The following LRRTM4 variants were observed in gnomAD, a reference collection of about 807,000 sequenced individuals.
The protein encoded by LRRTM4 is leucine-rich repeat transmembrane neuronal protein 4.
In LRRTM4, 25 loss-of-function variants were observed where a neutral mutation model predicts 47.6. That is an observed-to-expected ratio of 0.53 (90% CI 0.38 to 0.73). The LOEUF is 0.73. Among genes scored for constraint, LRRTM4 ranks in the 30% least tolerant of loss-of-function variants. The probability of loss-of-function intolerance (pLI) is 0.00; values close to 1 mark genes in which losing one functional copy is unlikely to be tolerated. For synonymous variants in LRRTM4, 311 were observed against 269.5 expected (o/e 1.15, Z -1.51); for missense variants, 638 against 713.4 (o/e 0.89, Z 1.20).
At chr2:77,317,683 T>G (rs1677656020) in intron 3 of LRRTM4, among the ~76,000 whole-genome samples, 2 of 152,170 alleles carry the variant, frequency 1.3e-5, no homozygotes. Flanking sequence ...ATATGGCCAG[T>G]GCACTGTGGT....
chr2:77,306,143 C>T (rs1677265086), intron 3 of LRRTM4, among the ~76,000 whole-genome samples: 1 of 152,068 alleles, frequency 6.6e-6, no homozygotes, highest in Admixed American at 6.6e-5. Context: ...TCTTCCATTC[C>T]TTAATTTTCT....
chr2:77,438,392 AATTTTTTTTTTTT>A (rs1462406704), intron 3 of LRRTM4, among the ~76,000 whole-genome samples: 5 of 131,704 alleles, frequency 3.8e-5, no homozygotes, highest in Non-Finnish European at 7.8e-5. Flanking sequence ...CGATCATGAT[AATTTTTTTTTTTT>A]TTTTTTTTTT....
At chr2:77,388,407 T>C (rs556379889) in intron 3 of LRRTM4, among the ~76,000 whole-genome samples, 2 of 152,252 alleles carry the variant, frequency 1.3e-5, no homozygotes, top group South Asian at 4.1e-4. Context: ...TCTGCACTCA[T>C]AGTTACATTG....
chr2:76,832,393 A>C (rs569926967), intron 3 of LRRTM4, among the ~76,000 whole-genome samples: 1 of 151,084 alleles, frequency 6.6e-6, no homozygotes, highest in Admixed American at 6.6e-5. Context: ...AGTGAACTGC[A>C]CATGCTGTGA....
intron 3 of LRRTM4, among the ~76,000 whole-genome samples, chr2:76,931,937 G>A (rs968065883): frequency 7.9e-5 from 12 of 152,078 alleles, no homozygotes; most frequent in Non-Finnish European, 1.0e-4. Flanking sequence ...GGGCAGAACA[G>A]GGAGGTTACT....
intron 3 of LRRTM4, among the ~76,000 whole-genome samples, chr2:77,424,434 A>T (rs1277927532): frequency 1.6e-5 from 1 of 63,440 alleles, no homozygotes; most frequent in South Asian, 5.3e-4. Flanking sequence ...TTATACAGTG[A>T]ACTGATGAGC....
chr2:77,282,125 C>G (rs962845553), intron 3 of LRRTM4, among the ~76,000 whole-genome samples: 1 of 151,754 alleles, frequency 6.6e-6, no homozygotes, highest in Non-Finnish European at 1.5e-5. Context: ...TTAAGAGTGT[C>G]TTATAGTTGT....
chr2:76,964,617 G>A (rs899774380), intron 3 of LRRTM4, among the ~76,000 whole-genome samples: 2 of 150,568 alleles, frequency 1.3e-5, no homozygotes, highest in African/African-American at 4.9e-5. Context: ...ATTGAGTAGT[G>A]CATATATTAC....
At chr2:76,807,945 CTTTCTT>C (rs1558668236) in intron 3 of LRRTM4, among the ~76,000 whole-genome samples, 3 of 131,688 alleles carry the variant, frequency 2.3e-5, no homozygotes, top group South Asian at 2.7e-4. Flanking sequence ...TTCTTTCTTT[CTTTCTT>C]TCTTTTTCTT....
chr2:76,924,756 T>G (rs1674535709), intron 3 of LRRTM4, among the ~76,000 whole-genome samples: 2 of 151,856 alleles, frequency 1.3e-5, no homozygotes, highest in African/African-American at 4.8e-5. Context: ...ATAGGAATAA[T>G]AAGACACACA....
At position 77,233,867 on chromosome 2, in the gene LRRTM4, A is replaced by G. The variant is rs920143498; in HGVS notation, c.1551+284451T>C. ...AACAGCGCGATCTTGGCTCACTGCA[A>G]CCTCCGCGTCCACCCCTGCCTCCAT... is the stretch of plus-strand genomic sequence containing the variant. On this transcript the variant is annotated intron_variant, in intron 3 of 3. Transcript: ENST00000409884. Among the ~76,000 whole-genome samples, 5 of 151,354 alleles carry G rather than the reference A, an allele frequency of 3.3e-5. No homozygotes were observed. The East Asian group carries it at 7.8e-4, about 24-fold the overall frequency.
At chr2:77,188,688 T>C (rs1329088076) in intron 3 of LRRTM4, among the ~76,000 whole-genome samples, 3 of 152,152 alleles carry the variant, frequency 2.0e-5, no homozygotes, top group Non-Finnish European at 4.4e-5. Context: ...TAACATCTAA[T>C]GTGTGTGCTT....
intron 3 of LRRTM4, among the ~76,000 whole-genome samples, chr2:76,854,532 A>AAAAC (rs763974175): frequency 3.3e-5 from 5 of 152,154 alleles, no homozygotes; most frequent in Non-Finnish European, 7.3e-5. Flanking sequence ...CTGAGGGCAA[A>AAAAC]AAACAAACAA....
chr2:76,968,919 C>T (rs545412915), intron 3 of LRRTM4, among the ~76,000 whole-genome samples: 3 of 151,892 alleles, frequency 2.0e-5, no homozygotes, highest in African/African-American at 4.8e-5. Flanking sequence ...CTAGCTCCTC[C>T]GTCAGTGCCT....
intron 3 of LRRTM4, among the ~76,000 whole-genome samples, chr2:77,481,893 T>TG (rs1677718731): frequency 8.0e-6 from 1 of 125,292 alleles, no homozygotes; most frequent in African/African-American, 3.0e-5. Context: ...TTTTTTTTTT[T>TG]AAAACTTCTA....
chr2:76,876,505 A>C (rs1225263878), intron 3 of LRRTM4, among the ~76,000 whole-genome samples: 1 of 152,122 alleles, frequency 6.6e-6, no homozygotes, highest in East Asian at 1.9e-4. Context: ...AATGTAAAAA[A>C]AGGATAGCAT....
intron 3 of LRRTM4, among the ~76,000 whole-genome samples, chr2:77,062,485 T>C (rs1679818069): frequency 6.6e-6 from 1 of 152,160 alleles, no homozygotes; most frequent in Non-Finnish European, 1.5e-5. Flanking sequence ...TAATCAGTGT[T>C]TAAACTGATG....
chr2:76,893,619 C>G (rs1187531465), intron 3 of LRRTM4, among the ~76,000 whole-genome samples: 2 of 151,248 alleles, frequency 1.3e-5, no homozygotes, highest in Non-Finnish European at 3.0e-5. Context: ...ATGCATCTTC[C>G]AAGAATCTAA....
chr2:76,817,117 A>G (rs1444196266), intron 3 of LRRTM4, among the ~76,000 whole-genome samples: 2 of 151,946 alleles, frequency 1.3e-5, no homozygotes, highest in Non-Finnish European at 2.9e-5. Context: ...TGAAGAATGC[A>G]TGGATTCAAA....
Sources: allele counts gnomAD v4.1 joint callset (sites outside exome capture counted in the v4.1 genomes callset), GRCh38; gene constraint gnomAD v4.1.1; transcripts MANE v1.5; gene names NCBI Gene and HGNC (gene_info 2026-07-23, HGNC 2026-07-21).